Variants in SIRPA observed in about 807,000 individuals in gnomAD.
SIRPA encodes tyrosine-protein phosphatase non-receptor type substrate 1.
Under a neutral mutation model 50.3 loss-of-function variants are expected in SIRPA, and 9 were observed. The observed-to-expected ratio is 0.18, with a 90% confidence interval of 0.11 to 0.31. The LOEUF (loss-of-function observed/expected upper bound fraction) is 0.31, where lower values mean the gene tolerates loss of function less well. Among genes scored for constraint, SIRPA ranks in the 10% least tolerant of loss-of-function variants. The pLI, the probability that SIRPA is intolerant of heterozygous loss-of-function variation, is 1.00. For missense variants in SIRPA, 474 were observed against 661.6 expected, an observed-to-expected ratio of 0.72 and a Z score of 3.11; for synonymous variants, 265 against 284.1, an observed-to-expected ratio of 0.93 and a Z score of 0.68.
At chr20:1,926,237 G>A (rs1040612796) in intron 5 of SIRPA, among the ~76,000 whole-genome samples, 4 of 152,230 alleles carry the variant, frequency 2.6e-5, no homozygotes, top group African/African-American at 4.8e-5. Flanking sequence ...CCACCAAGAC[G>A]TCTACCCAAT....
At position 1,937,757 on chromosome 20, in the gene SIRPA, GC is replaced by G. The variant is rs771007152; in HGVS notation, c.*194del. The G allele has an allele frequency of 7.9e-4, 553 of 697,672 alleles. No homozygotes were observed. Among genetic ancestry groups the G allele is most frequent in the Non-Finnish European group, 1.1e-3 (468 of 430,932 alleles). The allele number at this position is 697,672 out of a possible 1,614,324, so 43.2% of individuals were successfully genotyped here. On this transcript the variant is annotated 3_prime_UTR_variant, in exon 8 of 8. Transcript: ENST00000358771. The surrounding 1 kb of genome is among the most constrained non-coding windows in gnomAD (Gnocchi z 8.3). ...CTCCAGCACTTCCTGGGCAGCCACG[GC>G]CCCCTCCCCCCACATTGCCACATAC...
rs1202596533 is a variant in SIRPA at position 1,925,255 on chromosome 20, A to G, written c.1201+378A>G. ...CTTTCCTGGTACAAGTCTAGGTTAC[A>G]TGACCAGTCCCTGGACAGGAGGCCA... On this transcript the variant is annotated intron_variant, in intron 5 of 7. Transcript: ENST00000358771. 2.6e-5 allele frequency among the ~76,000 whole-genome samples: 4 copies of G among 152,344 alleles called. No homozygotes were observed. In the South Asian group the frequency reaches 6.2e-4, roughly 24 times the overall value.
chr20:1,912,446 C>T (rs1393309028), intron 1 of SIRPA, among the ~76,000 whole-genome samples: 7 of 152,230 alleles, frequency 4.6e-5, no homozygotes, highest in East Asian at 1.9e-4. Context: ...ATGGAGCCAA[C>T]GACATCCTTC....
intron 1 of SIRPA, among the ~76,000 whole-genome samples, chr20:1,914,131 A>T (rs539479121): frequency 6.6e-6 from 1 of 152,302 alleles, no homozygotes; most frequent in South Asian, 2.1e-4. Context: ...ATGTATAGTA[A>T]CAACAACTTC....
intron 1 of SIRPA, among the ~76,000 whole-genome samples, chr20:1,905,017 A>G (rs532288621): frequency 2.6e-5 from 4 of 152,304 alleles, no homozygotes; most frequent in Non-Finnish European, 5.9e-5. Flanking sequence ...TGGAACCGCT[A>G]ACACTGTTTC....
Position 1,922,281 on chromosome 20 carries a change from A to G in SIRPA, c.755-32A>G, listed in dbSNP as rs777027063. ...CCTCCCTGTGATCTGTCTGTGCCAC[A>G]AGGTCAGAGCTTCTGCCCTGTGCTG... On this transcript the variant is annotated intron_variant, in intron 3 of 7. Transcript: ENST00000358771. 14 of 1,612,384 alleles carry G rather than the reference A, an allele frequency of 8.7e-6. No individual in the cohort carries two copies. The Admixed American group carries it at 2.3e-4, about 27-fold the overall frequency.
rs543034792 is a variant in SIRPA at position 1,932,722 on chromosome 20, C to T, written c.1227-1993C>T. ...AGGTTCTTCAGGAATCAGGGGAGTTCGGATGGTGGAGAGGATGGGGTGGCT... is the reference window on the plus strand; with the variant it reads ...AGGTTCTTCAGGAATCAGGGGAGTTTGGATGGTGGAGAGGATGGGGTGGCT... On this transcript the variant is annotated intron_variant, in intron 6 of 7. Coordinates refer to ENST00000358771, the MANE Select transcript of SIRPA (RefSeq NM_001040023.2). The surrounding 1 kb of genome is among the most constrained non-coding windows in gnomAD (Gnocchi z 6.0). Among the ~76,000 whole-genome samples, 73 of 152,038 alleles carry T rather than the reference C, an allele frequency of 4.8e-4. No individual in the cohort carries two copies. Among genetic ancestry groups the T allele is most frequent in the Non-Finnish European group, 8.5e-4 (58 of 67,980 alleles).
rs1029365876 is a variant in SIRPA, at chr20:1,932,426, G to A, written c.1227-2289G>A. Among the ~76,000 whole-genome samples, 1 of 152,190 alleles carries A rather than the reference G, an allele frequency of 6.6e-6. No individual in the cohort carries two copies. The highest frequency in any genetic ancestry group is 1.5e-5 in the Non-Finnish European group (1 of 68,026). ...CTGCACCAATCAAAGGGAACAGCCA[G>A]TGCCAAGACCCTGAGACGGGAGCAG... On this transcript the variant is annotated intron_variant, in intron 6 of 7. Transcript: ENST00000358771. This position sits in a 1 kb window ranked among gnomAD's most constrained non-coding sequence, Gnocchi z 6.0.
intron 1 of SIRPA, among the ~76,000 whole-genome samples, chr20:1,914,248 A>G (rs1344153146): frequency 6.6e-6 from 1 of 152,138 alleles, no homozygotes; most frequent in Non-Finnish European, 1.5e-5. Context: ...AGATAAGAAA[A>G]CTGAGACTCA....
Position 1,938,138 on chromosome 20 carries a change from C to G in SIRPA, c.*570C>G, listed in dbSNP as rs1387936924. ...CCAGGCTTGGTGAGGTTGCTGCCAA[C>G]AGTCCTGGCCTCCCCCATCCCTAGG... On this transcript the variant is annotated 3_prime_UTR_variant, in exon 8 of 8. Coordinates refer to ENST00000358771, the MANE Select transcript of SIRPA (RefSeq NM_001040023.2). The G allele has an allele frequency of 6.4e-6, 1 of 155,640 alleles. No homozygotes were observed. Among genetic ancestry groups the G allele is most frequent in the East Asian group, 1.9e-4 (1 of 5,230 alleles). 9.6% of individuals were successfully genotyped at this position (155,640 alleles called of 1,614,324 possible).
At position 1,927,213 on chromosome 20, in the gene SIRPA, A is replaced by G. The variant is rs1018629374; in HGVS notation, c.1202-662A>G. Among the ~76,000 whole-genome samples the G allele has an allele frequency of 1.3e-5, 2 of 152,086 alleles. No individual in the cohort carries two copies. Among genetic ancestry groups the G allele is most frequent in the African/African-American group, 4.8e-5 (2 of 41,400 alleles). Reference sequence around the variant, plus strand: ...GGTGTGCATGTTGCTTTTTAATTACAATTTTACAGCAAAATGGGAGTCAAA... The same window carrying G: ...GGTGTGCATGTTGCTTTTTAATTACGATTTTACAGCAAAATGGGAGTCAAA... On this transcript the variant is annotated intron_variant, in intron 5 of 7. Transcript: ENST00000358771. The surrounding 1 kb of genome is among the most constrained non-coding windows in gnomAD (Gnocchi z 6.5).
chr20:1,927,735 G>C lies in SIRPA; in HGVS notation c.1202-140G>C. Reference sequence around the variant, plus strand: ...GAGGATGCCCACTGGGTGGGCATGGGGGTCTCCTGTGGTTCCAAGGATGTG... The same window carrying C: ...GAGGATGCCCACTGGGTGGGCATGGCGGTCTCCTGTGGTTCCAAGGATGTG... On this transcript the variant is annotated intron_variant, in intron 5 of 7. Coordinates refer to ENST00000358771, the MANE Select transcript of SIRPA (RefSeq NM_001040023.2). The surrounding 1 kb of genome is among the most constrained non-coding windows in gnomAD (Gnocchi z 6.5). 1.3e-6 allele frequency: 1 copy of C among 762,250 alleles called. No individual in the cohort carries two copies. Among genetic ancestry groups the C allele is most frequent in the Non-Finnish European group, 2.4e-6 (1 of 424,158 alleles). The allele number at this position is 762,250 out of a possible 1,614,324, so 47.2% of individuals were successfully genotyped here.
intron 1 of SIRPA, among the ~76,000 whole-genome samples, chr20:1,907,584 G>A (rs1257998429): frequency 6.6e-6 from 1 of 152,220 alleles, no homozygotes; most frequent in Non-Finnish European, 1.5e-5. Flanking sequence ...GGGGCCACCA[G>A]CTCCAGGAAG....
chr20:1,897,564 A>G (rs1277346891), intron 1 of SIRPA, among the ~76,000 whole-genome samples: 1 of 152,254 alleles, frequency 6.6e-6, no homozygotes, highest in Non-Finnish European at 1.5e-5. Flanking sequence ...GAGGGTAGGA[A>G]GGTACAAGGA....
chr20:1,919,245 A>C (rs895271740), intron 2 of SIRPA, among the ~76,000 whole-genome samples: 1 of 152,372 alleles, frequency 6.6e-6, no homozygotes, highest in East Asian at 1.9e-4. Flanking sequence ...CCACCACAGA[A>C]ATGCCTCTTC....
Position 1,915,332 on chromosome 20 carries a change from T to G in SIRPA, c.313T>G (p.Ser105Ala). Residue 105 changes from serine to alanine, a missense_variant, in exon 2 of 8, where the codon TCC becomes GCC. By Grantham distance (99) the Ser-to-Ala change is moderately conservative. Around this residue, in one of 4 missense-constraint regions of SIRPA, gnomAD observed 221 missense variants for 359.9 expected, o/e 0.61. Transcript: ENST00000358771. Reference sequence around the variant, plus strand: ...CACAAAGAGAAACAACATGGACTTTTCCATCCGCATCGGTAACATCACCCC... The same window carrying G: ...CACAAAGAGAAACAACATGGACTTTGCCATCCGCATCGGTAACATCACCCC... ...DLTKRNNMDF[S>A]IRIGNITPAD... is the part of the protein sequence containing the mutation. The G allele has an allele frequency of 1.2e-6, 2 of 1,613,132 alleles. No individual in the cohort carries two copies. The highest frequency in any genetic ancestry group is 1.3e-5 in the African/African-American group (1 of 74,934).
rs145331893 is a variant in SIRPA at position 1,902,189 on chromosome 20, C to T, written c.79+6663C>T. On this transcript the variant is annotated intron_variant, in intron 1 of 7. Transcript: ENST00000358771. The stretch of plus-strand genomic sequence containing the variant: ...CTATTTTTGCTAGGGAGAGGAGAAT[C>T]GGGGAGTATATAAAGCAAGTGCTAA... 5.6e-3 allele frequency among the ~76,000 whole-genome samples: 849 copies of T among 152,228 alleles called. 12 individuals are homozygous for T. The highest frequency in any genetic ancestry group is 0.019 in the African/African-American group (792 of 41,522).
intron 2 of SIRPA, among the ~76,000 whole-genome samples, chr20:1,916,541 T>C (rs1985309098): frequency 6.6e-6 from 1 of 152,210 alleles, no homozygotes. Context: ...TTTCCATCAG[T>C]TTCCTAAAGG....
chr20:1,895,176 G>A (rs1312012164), upstream of SIRPA: 2 of 334,438 alleles, frequency 6.0e-6, no homozygotes, highest in African/African-American at 2.2e-5. Flanking sequence ...CTCTCCTGCC[G>A]CCTCTCTCTG....
Sources: allele counts gnomAD v4.1 joint callset (sites outside exome capture counted in the v4.1 genomes callset), GRCh38; gene constraint gnomAD v4.1.1; regional missense constraint gnomAD v4.1.1; non-coding constraint Gnocchi (gnomAD v3.1); transcripts MANE v1.5; gene names NCBI Gene and HGNC (gene_info 2026-07-23, HGNC 2026-07-21).